BCAS3: variants seen among roughly 807,000 people sequenced by gnomAD.
BCAS3 encodes the protein BCAS3 microtubule associated cell migration factor.
In BCAS3, 53 loss-of-function variants were observed where a neutral mutation model predicts 116.1. The ratio of observed to expected loss-of-function variants is 0.46; its 90% CI spans 0.37 to 0.57. BCAS3 has a LOEUF of 0.57. Ranked by LOEUF, BCAS3 falls within the 20% of genes least tolerant of loss-of-function variation. The pLI, the probability that BCAS3 is intolerant of heterozygous loss-of-function variation, is 0.00. For missense variants in BCAS3, 917 were observed against 1,165.4 expected (o/e 0.79, Z 3.10); for synonymous variants, 391 against 408.2 (o/e 0.96, Z 0.51).
In BCAS3 at chr17:61,128,224, G is replaced by A; in HGVS notation, c.2425+43660G>A. On this transcript the variant is annotated intron_variant, in intron 22 of 23. Transcript: ENST00000407086. The surrounding 1 kb of genome is among the most constrained non-coding windows in gnomAD (Gnocchi z 4.1). ...TGTGAGTCAAGGATGAGTACATGAA[G>A]ATGAAGCCCATGCAATGAGGACAGC... 1.0e-6 allele frequency: 1 copy of A among 985,428 alleles called. No individual in the cohort carries two copies. The highest frequency in any genetic ancestry group is 4.7e-5 in the South Asian group (1 of 21,286). 61.0% of individuals were successfully genotyped at this position (985,428 alleles called of 1,614,324 possible).
chr17:60,979,530 A>G (rs533166150), intron 14 of BCAS3, among the ~76,000 whole-genome samples: 320 of 148,818 alleles, frequency 2.2e-3, no homozygotes, highest in Non-Finnish European at 3.5e-3. Flanking sequence ...TTCCAACACT[A>G]TGTTGAATAG....
In BCAS3 at chr17:61,189,123, AAGAGAG is replaced by A. The variant is rs754656266; in HGVS notation, c.2425+104571_2425+104576del. Among the ~76,000 whole-genome samples, 16 of 151,638 alleles carry A rather than the reference AAGAGAG, an allele frequency of 1.1e-4. No homozygotes were observed. Among genetic ancestry groups the A allele is most frequent in the Non-Finnish European group, 2.4e-4 (16 of 67,876 alleles). The stretch of plus-strand genomic sequence containing the variant: ...GCCTGAAAACAAAACAAAACAAAAA[AAGAGAG>A]AGAGAGAGAGAACAGCACACTTCAA... On this transcript the variant is annotated intron_variant, in intron 22 of 23. Transcript: ENST00000407086. The surrounding 1 kb of genome is among the most constrained non-coding windows in gnomAD (Gnocchi z 4.5).
At chr17:60,854,587 T>G (rs2053491302) in intron 7 of BCAS3, among the ~76,000 whole-genome samples, 1 of 152,086 alleles carries the variant, frequency 6.6e-6, no homozygotes, top group Non-Finnish European at 1.5e-5. Context: ...AACAGACCCA[T>G]GAAAAAATGC....
intron 22 of BCAS3, among the ~76,000 whole-genome samples, chr17:61,336,610 C>T (rs576158240): frequency 1.3e-5 from 2 of 152,324 alleles, no homozygotes; most frequent in African/African-American, 4.8e-5. Context: ...AGCCTGGCTT[C>T]CCCGCAGTCA....
intron 6 of BCAS3, among the ~76,000 whole-genome samples, chr17:60,806,042 AT>A (rs201887714): frequency 1.0e-3 from 149 of 142,726 alleles, no homozygotes; most frequent in Admixed American, 1.1e-3. Context: ...ATATTTTTGT[AT>A]TTTTTTTTTT....
At position 61,381,202 on chromosome 17, in the gene BCAS3, C is replaced by T. The variant is rs923579185; in HGVS notation, c.2594-10775C>T. On this transcript the variant is annotated intron_variant, in intron 23 of 23. Coordinates refer to ENST00000407086, the MANE Select transcript of BCAS3 (RefSeq NM_017679.5). This position sits in a 1 kb window ranked among gnomAD's most constrained non-coding sequence, Gnocchi z 6.0. ...ATGCACTTCCACCCGACAGGCAAATCGATATCTTAATACACCAAAGTGGAA... is the reference window on the plus strand; with the variant it reads ...ATGCACTTCCACCCGACAGGCAAATTGATATCTTAATACACCAAAGTGGAA... Among the ~76,000 whole-genome samples, 3 of 152,198 alleles carry T rather than the reference C, an allele frequency of 2.0e-5. No homozygotes were observed. Among genetic ancestry groups the T allele is most frequent in the Non-Finnish European group, 2.9e-5 (2 of 68,024 alleles).
intron 7 of BCAS3, among the ~76,000 whole-genome samples, chr17:60,809,619 G>A (rs975088096): frequency 6.6e-6 from 1 of 152,172 alleles, no homozygotes; most frequent in Non-Finnish European, 1.5e-5. Context: ...TATTGCATAT[G>A]CCTGCCAGCA....
Position 61,391,793 on chromosome 17 carries a change from CT to C in BCAS3, c.2594-183del. On this transcript the variant is annotated intron_variant, in intron 23 of 23. Coordinates refer to ENST00000407086, the MANE Select transcript of BCAS3 (RefSeq NM_017679.5). The surrounding 1 kb of genome is among the most constrained non-coding windows in gnomAD (Gnocchi z 7.7). ...TGCCAGCCAGGGGGCTTTCCCTCCC[CT>C]GGCTGAGCCTTCCTGTGACCTGAGC... is the stretch of plus-strand genomic sequence containing the variant. 1 of 652,404 alleles carries C rather than the reference CT, an allele frequency of 1.5e-6. No homozygotes were observed. The highest frequency in any genetic ancestry group is 2.7e-6 in the Non-Finnish European group (1 of 375,956). The allele number at this position is 652,404 out of a possible 1,614,324, so 40.4% of individuals were successfully genotyped here.
At chr17:60,947,844 C>T (rs909274655) in intron 14 of BCAS3, among the ~76,000 whole-genome samples, 3 of 152,210 alleles carry the variant, frequency 2.0e-5, no homozygotes, top group Middle Eastern at 3.4e-3. Flanking sequence ...CTCCTTGGCA[C>T]GGTATTTAGT....
At chr17:60,731,680 G>C (rs2040464850) in intron 5 of BCAS3, among the ~76,000 whole-genome samples, 1 of 151,306 alleles carries the variant, frequency 6.6e-6, no homozygotes, top group African/African-American at 2.4e-5. Context: ...TTCTATATAT[G>C]TTTAAATTAA....
In BCAS3 at chr17:61,151,423, C is replaced by T. The variant is rs993101831; in HGVS notation, c.2425+66859C>T. Among the ~76,000 whole-genome samples the T allele has an allele frequency of 4.0e-5, 6 of 151,606 alleles. No individual in the cohort carries two copies. Among genetic ancestry groups the T allele is most frequent in the Admixed American group, 1.3e-4 (2 of 15,216 alleles). On this transcript the variant is annotated intron_variant, in intron 22 of 23. Transcript: ENST00000407086. This position sits in a 1 kb window ranked among gnomAD's most constrained non-coding sequence, Gnocchi z 4.8. ...TTTTTTTTAACCTGTTAAGGTCTTC[C>T]GCAAATTCCTGCATTGCTTCTAATC...
At chr17:61,225,299 G>A (rs1032615399) in intron 22 of BCAS3, among the ~76,000 whole-genome samples, 4 of 151,722 alleles carry the variant, frequency 2.6e-5, no homozygotes, top group South Asian at 2.1e-4. Context: ...CACATTAGAC[G>A]CAGCCCTTTG....
intron 14 of BCAS3, among the ~76,000 whole-genome samples, chr17:60,974,403 C>T (rs1272307005): frequency 1.3e-5 from 2 of 152,090 alleles, no homozygotes; most frequent in Non-Finnish European, 2.9e-5. Flanking sequence ...GATGAAAACA[C>T]TCTTTAGAAA....
In BCAS3 at chr17:60,871,325, G is replaced by T. The variant is rs2055079065; in HGVS notation, c.584+2642G>T. Among the ~76,000 whole-genome samples, 3 of 152,044 alleles carry T rather than the reference G, an allele frequency of 2.0e-5. No homozygotes were observed. In the South Asian group the frequency reaches 6.2e-4, roughly 32 times the overall value. On this transcript the variant is annotated intron_variant, in intron 8 of 23. Transcript: ENST00000407086. ...ACTGCAGGCATGTGCCACCACGCCT[G>T]GCTAATTTTTTTTAACATTTTTTTT...
chr17:61,038,099 T>C, intron 18 of BCAS3, 45 bp downstream of exon 18: 1 of 1,537,888 alleles, frequency 6.5e-7, no homozygotes, highest in Non-Finnish European at 8.9e-7. Context: ...TTCATTAAGG[T>C]ATAGAAGATT....
At chr17:60,677,950 C>G (rs971731515) in intron 1 of BCAS3, 36 bp downstream of exon 1, 2 of 154,342 alleles carry the variant, frequency 1.3e-5, no homozygotes, top group African/African-American at 2.4e-5. Flanking sequence ...TTTGGGGAGG[C>G]TTGGGGAGGA....
rs2066898197 is a variant in BCAS3, at chr17:61,034,875, C to A, written c.1762+85C>A. The A allele has an allele frequency of 7.3e-7, 1 of 1,368,320 alleles. No homozygotes were observed. The highest frequency in any genetic ancestry group is 2.3e-5 in the Admixed American group (1 of 43,828). The allele number at this position is 1,368,320 out of a possible 1,614,324, so 84.8% of individuals were successfully genotyped here. On this transcript the variant is annotated intron_variant, in intron 17 of 23. Coordinates refer to ENST00000407086, the MANE Select transcript of BCAS3 (RefSeq NM_017679.5). The surrounding 1 kb of genome is among the most constrained non-coding windows in gnomAD (Gnocchi z 5.0). ...TTTTTAGCAGTTTCCCTAGAATAAT[C>A]TTGTACCCAGTAGTCTGGAAACCAA... is the stretch of plus-strand genomic sequence containing the variant.
At chr17:61,015,929 A>T in intron 16 of BCAS3, 28 bp downstream of exon 16, 1 of 1,600,382 alleles carries the variant, frequency 6.2e-7, no homozygotes, top group Non-Finnish European at 8.5e-7. Flanking sequence ...ATGCTTTTTT[A>T]ACAGCTGTTT....
At chr17:60,687,442 G>C (rs1358090663) in intron 3 of BCAS3, among the ~76,000 whole-genome samples, 1 of 151,884 alleles carries the variant, frequency 6.6e-6, no homozygotes, top group Non-Finnish European at 1.5e-5. Flanking sequence ...CATCTCTACA[G>C]AAAATACAAA....
Sources: allele counts gnomAD v4.1 joint callset (sites outside exome capture counted in the v4.1 genomes callset), GRCh38; gene constraint gnomAD v4.1.1; non-coding constraint Gnocchi (gnomAD v3.1); transcripts MANE v1.5; gene names NCBI Gene and HGNC (gene_info 2026-07-23, HGNC 2026-07-21).